EXOC6B: variants seen among roughly 807,000 people sequenced by gnomAD.
EXOC6B encodes exocyst complex component 6B.
Under a neutral mutation model 113.5 loss-of-function variants are expected in EXOC6B, and 54 were observed. That is an observed-to-expected ratio of 0.48 (90% confidence interval 0.38 to 0.60). EXOC6B has a LOEUF of 0.60. Among genes scored for constraint, EXOC6B ranks in the 20% least tolerant of loss-of-function variants. The pLI is 0.00. For missense variants in EXOC6B, 797 were observed against 977.5 expected (o/e 0.82, Z 2.46); for synonymous variants, 357 against 339.0 (o/e 1.05, Z -0.58).
At chr2:72,668,696 T>C (rs1675568648) in intron 6 of EXOC6B, among the ~76,000 whole-genome samples, 1 of 152,144 alleles carries the variant, frequency 6.6e-6, no homozygotes, top group Admixed American at 6.5e-5. Flanking sequence ...TGTTCTCACT[T>C]ATAAGTGGGA....
Position 72,341,737 on chromosome 2 carries a change from C to T in EXOC6B, c.2123-6717G>A, listed in dbSNP as rs535384787. On this transcript the variant is annotated intron_variant, in intron 19 of 21. Transcript: ENST00000272427. ...ATCAGACTTGAACAACACTATAAAC[C>T]AAATGAGCCTACCAAATATATAAGA... Among the ~76,000 whole-genome samples the T allele has an allele frequency of 1.4e-4, 21 of 152,088 alleles. No individual in the cohort carries two copies. In the South Asian group the frequency reaches 4.1e-3, roughly 30 times the overall value.
chr2:72,246,054 T>G (rs1251710789), intron 20 of EXOC6B, among the ~76,000 whole-genome samples: 2 of 152,200 alleles, frequency 1.3e-5, no homozygotes, highest in South Asian at 4.1e-4. Context: ...TTAATTTACT[T>G]ATTTTACTTT....
intron 20 of EXOC6B, among the ~76,000 whole-genome samples, chr2:72,232,582 A>G (rs1439916146): frequency 6.6e-6 from 1 of 152,156 alleles, no homozygotes; most frequent in Non-Finnish European, 1.5e-5. Context: ...ACCACAGAAA[A>G]GTCATTAAAA....
chr2:72,361,923 A>G (rs1406489901), intron 19 of EXOC6B, among the ~76,000 whole-genome samples: 1 of 152,210 alleles, frequency 6.6e-6, no homozygotes, highest in East Asian at 1.9e-4. Context: ...TGAGGAGGTT[A>G]AGTAGTAAAT....
intron 6 of EXOC6B, among the ~76,000 whole-genome samples, chr2:72,586,990 G>A (rs550031553): frequency 6.6e-6 from 1 of 152,242 alleles, no homozygotes; most frequent in East Asian, 1.9e-4. Context: ...CAGCCACTGT[G>A]GAAAGCAGTT....
chr2:72,497,603 G>A (rs1200301071), intron 13 of EXOC6B, among the ~76,000 whole-genome samples: 4 of 151,970 alleles, frequency 2.6e-5, no homozygotes, highest in Admixed American at 6.6e-5. Flanking sequence ...CTAAATCTAG[G>A]TTTTAGAAAT....
chr2:72,783,959 G>A (rs961701905), intron 1 of EXOC6B, among the ~76,000 whole-genome samples: 1 of 152,092 alleles, frequency 6.6e-6, no homozygotes, highest in Non-Finnish European at 1.5e-5. Flanking sequence ...TTTTCTTCCA[G>A]TTGCTTTATA....
Position 72,447,786 on chromosome 2 carries a change from T to C in EXOC6B, c.1980+17374A>G, listed in dbSNP as rs183531286. On this transcript the variant is annotated intron_variant, in intron 18 of 21. Transcript: ENST00000272427. Reference sequence around the variant, plus strand: ...CTTGTACTTGTACTTTGTACTTGCATAGATGAATTGGGGGATCCAATTATG... The same window carrying C: ...CTTGTACTTGTACTTTGTACTTGCACAGATGAATTGGGGGATCCAATTATG... Among the ~76,000 whole-genome samples the C allele has an allele frequency of 2.4e-3, 373 of 152,314 alleles. 1 individual carries two copies. The highest frequency in any genetic ancestry group is 4.0e-3 in the Non-Finnish European group (272 of 68,026).
intron 19 of EXOC6B, among the ~76,000 whole-genome samples, chr2:72,342,759 C>G (rs1410397583): frequency 6.6e-6 from 1 of 151,870 alleles, no homozygotes; most frequent in Non-Finnish European, 1.5e-5. Flanking sequence ...GATACTGTGT[C>G]TCTGAAAATA....
At chr2:72,264,002 A>C (rs2104593745) in intron 20 of EXOC6B, among the ~76,000 whole-genome samples, 1 of 152,346 alleles carries the variant, frequency 6.6e-6, no homozygotes, top group African/African-American at 2.4e-5. Context: ...GAGTTGGTGG[A>C]TGTTTCAATG....
intron 18 of EXOC6B, among the ~76,000 whole-genome samples, chr2:72,410,025 C>T (rs1694065645): frequency 6.6e-6 from 1 of 152,192 alleles, no homozygotes; most frequent in South Asian, 2.1e-4. Flanking sequence ...AAATTGCACA[C>T]AGCTTTTCAA....
intron 20 of EXOC6B, among the ~76,000 whole-genome samples, chr2:72,308,648 C>T (rs1169064529): frequency 1.3e-5 from 2 of 152,050 alleles, no homozygotes; most frequent in Non-Finnish European, 2.9e-5. Context: ...GAACTTAAAG[C>T]TTTAAGTAAA....
At chr2:72,567,962 G>A (rs2103766914) in intron 7 of EXOC6B, among the ~76,000 whole-genome samples, 1 of 152,144 alleles carries the variant, frequency 6.6e-6, no homozygotes, top group Non-Finnish European at 1.5e-5. Flanking sequence ...TGGCATCAAT[G>A]AGTTCTAAAA....
chr2:72,479,755 C>T (rs1698963371), intron 17 of EXOC6B, among the ~76,000 whole-genome samples: 1 of 152,172 alleles, frequency 6.6e-6, no homozygotes, highest in African/African-American at 2.4e-5. Context: ...AGAAACTCAT[C>T]TACCATCAAT....
chr2:72,495,291 C>T, intron 15 of EXOC6B, 139 bp downstream of exon 15: 1 of 519,534 alleles, frequency 1.9e-6, no homozygotes, highest in East Asian at 3.2e-5. Context: ...AGAAATACAG[C>T]AGTGCCATGC....
At chr2:72,572,102 A>G (rs942872221) in intron 7 of EXOC6B, among the ~76,000 whole-genome samples, 6 of 152,218 alleles carry the variant, frequency 3.9e-5, no homozygotes, top group African/African-American at 1.4e-4. Context: ...TTTCTCTTCA[A>G]GTACTGTATT....
At chr2:72,630,771 T>C (rs1672336478) in intron 6 of EXOC6B, among the ~76,000 whole-genome samples, 1 of 152,232 alleles carries the variant, frequency 6.6e-6, no homozygotes, top group South Asian at 2.1e-4. Flanking sequence ...ACTCTTGAGC[T>C]AGTTAATTAA....
chr2:72,624,609 A>G (rs1360055731), intron 6 of EXOC6B, among the ~76,000 whole-genome samples: 1 of 152,128 alleles, frequency 6.6e-6, no homozygotes, highest in African/African-American at 2.4e-5. Flanking sequence ...AGCCAGGCAT[A>G]GTGGCACATA....
chr2:72,566,776 T>C (rs1196364288), intron 7 of EXOC6B, among the ~76,000 whole-genome samples: 1 of 152,056 alleles, frequency 6.6e-6, no homozygotes, highest in African/African-American at 2.4e-5. Flanking sequence ...AATCATTTAG[T>C]GTCCATGTAT....
Sources: gnomAD v4.1 joint callset for allele counts (sites outside exome capture counted in the v4.1 genomes callset) on GRCh38, gnomAD v4.1.1 for gene constraint, MANE v1.5 for transcripts, NCBI Gene and HGNC (gene_info 2026-07-23, HGNC 2026-07-21) for gene names.